LUZP2: variants seen among roughly 807,000 people sequenced by gnomAD.
The protein encoded by LUZP2 is leucine zipper protein 2.
A neutral mutation model predicts 51.6 loss-of-function variants in LUZP2; 52 were observed. The observed-to-expected ratio is 1.01, with a 90% CI of 0.81 to 1.27. LUZP2 has a LOEUF of 1.27. Ranked by LOEUF, LUZP2 falls within the 50% of genes most tolerant of loss-of-function variation. LUZP2 has a pLI of 0.00. For synonymous variants in LUZP2, 154 were observed against 137.3 expected (o/e 1.12, Z -0.85); for missense variants, 436 against 395.4 (o/e 1.10, Z -0.87).
chr11:24,513,544 A>G (rs1850375248), intron 1 of LUZP2, among the ~76,000 whole-genome samples: 1 of 152,198 alleles, frequency 6.6e-6, no homozygotes, highest in Admixed American at 6.5e-5. Context: ...GTCTCCTTAA[A>G]TAATTAGAAG....
chr11:25,077,689 G>A (rs984542007), intron 11 of LUZP2, among the ~76,000 whole-genome samples: 2 of 151,518 alleles, frequency 1.3e-5, no homozygotes, highest in African/African-American at 4.9e-5. Context: ...GTAGAGACGG[G>A]GTTTCACTGT....
chr11:24,731,967 A>G, intron 2 of LUZP2, 151 bp from the exon 3 acceptor site: 1 of 529,964 alleles, frequency 1.9e-6, no homozygotes, highest in Non-Finnish European at 3.3e-6. Context: ...TTCTGTTTAC[A>G]TCCTTGGAGC....
chr11:25,062,095 A>C (rs577210084), intron 10 of LUZP2, among the ~76,000 whole-genome samples: 1 of 150,966 alleles, frequency 6.6e-6, no homozygotes, highest in Admixed American at 6.6e-5. Context: ...ACAAAAAACG[A>C]AAAACAGAGG....
At chr11:24,889,093 T>G (rs1333852323) in intron 5 of LUZP2, among the ~76,000 whole-genome samples, 1 of 152,218 alleles carries the variant, frequency 6.6e-6, no homozygotes, top group Non-Finnish European at 1.5e-5. Flanking sequence ...ATGCAGGGTC[T>G]ACCTTCCACT....
intron 1 of LUZP2, among the ~76,000 whole-genome samples, chr11:24,725,031 T>G (rs1051219304): frequency 6.6e-6 from 1 of 152,208 alleles, no homozygotes; most frequent in African/African-American, 2.4e-5. Flanking sequence ...TGTTATCTAT[T>G]TCCCTAAATA....
intron 7 of LUZP2, among the ~76,000 whole-genome samples, chr11:24,923,535 A>G (rs1321920892): frequency 6.6e-6 from 1 of 152,032 alleles, no homozygotes; most frequent in Non-Finnish European, 1.5e-5. Context: ...CGTCTCTATT[A>G]AAAATACAAA....
At chr11:24,897,939 G>A (rs1853137520) in intron 5 of LUZP2, among the ~76,000 whole-genome samples, 1 of 152,054 alleles carries the variant, frequency 6.6e-6, no homozygotes, top group South Asian at 2.1e-4. Context: ...ATAACATAGT[G>A]AAATTTGCAA....
At chr11:24,602,142 GTATATA>G (rs1491145712) in intron 1 of LUZP2, among the ~76,000 whole-genome samples, 1,368 of 83,856 alleles carry the variant, frequency 0.016, 81 homozygotes, top group African/African-American at 0.065. Context: ...GTGTATATAT[GTATATA>G]TGTATATATG....
At chr11:24,622,206 G>T (rs928201066) in intron 1 of LUZP2, among the ~76,000 whole-genome samples, 1 of 151,012 alleles carries the variant, frequency 6.6e-6, no homozygotes, top group African/African-American at 2.4e-5. Context: ...GTATACATGT[G>T]CCATGTTGGT....
At chr11:24,793,664 A>G (rs1849466968) in intron 5 of LUZP2, among the ~76,000 whole-genome samples, 1 of 152,158 alleles carries the variant, frequency 6.6e-6, no homozygotes, top group Admixed American at 6.6e-5. Context: ...GTCATGAGGG[A>G]AATATTAAGG....
chr11:24,658,455 C>T (rs1040767718), intron 1 of LUZP2, among the ~76,000 whole-genome samples: 64 of 152,048 alleles, frequency 4.2e-4, no homozygotes, highest in African/African-American at 1.4e-3. Context: ...AATGTTAGAC[C>T]TAAAACCATA....
intron 5 of LUZP2, among the ~76,000 whole-genome samples, chr11:24,766,734 A>G (rs1390745316): frequency 6.6e-6 from 1 of 152,054 alleles, no homozygotes; most frequent in Non-Finnish European, 1.5e-5. Context: ...TTTGAGATAA[A>G]TGCTAAAAAA....
chr11:24,600,019 T>C (rs983143489), intron 1 of LUZP2, among the ~76,000 whole-genome samples: 6 of 152,280 alleles, frequency 3.9e-5, no homozygotes, highest in African/African-American at 1.4e-4. Flanking sequence ...CCATAAAAGA[T>C]ATGTTGAATT....
intron 7 of LUZP2, among the ~76,000 whole-genome samples, chr11:24,924,376 C>T (rs1164755108): frequency 2.0e-5 from 3 of 152,208 alleles, no homozygotes; most frequent in Admixed American, 2.0e-4. Flanking sequence ...CCGCACCCAG[C>T]CCGCTTGCCC....
In LUZP2 at chr11:24,733,736, A is replaced by ATT. The variant is rs74343288; in HGVS notation, c.251+1553_251+1554dup. Among the ~76,000 whole-genome samples the ATT allele has an allele frequency of 1.4e-3, 214 of 147,610 alleles. 2 individuals carry two copies. The highest frequency in any genetic ancestry group is 8.4e-3 in the East Asian group (41 of 4,870). ...ATGACTATAGTTAATAATAAACTGT[A>ATT]TTTTTTAAAAAAAAATTTTAAAAAA... On this transcript the variant is annotated intron_variant, in intron 3 of 11. Coordinates refer to ENST00000336930, the MANE Select transcript of LUZP2 (RefSeq NM_001009909.4).
intron 1 of LUZP2, among the ~76,000 whole-genome samples, chr11:24,727,665 C>A (rs1483523086): frequency 6.6e-6 from 1 of 151,886 alleles, no homozygotes; most frequent in Non-Finnish European, 1.5e-5. Flanking sequence ...TATTATTTAA[C>A]TTTGCCAGTG....
chr11:24,848,238 T>G (rs567155265), intron 5 of LUZP2, among the ~76,000 whole-genome samples: 12 of 152,294 alleles, frequency 7.9e-5, no homozygotes, highest in African/African-American at 2.9e-4. Context: ...ACATAACGCT[T>G]TCACACTGAA....
At chr11:24,616,742 C>T (rs570864335) in intron 1 of LUZP2, among the ~76,000 whole-genome samples, 2 of 152,188 alleles carry the variant, frequency 1.3e-5, no homozygotes, top group South Asian at 2.1e-4. Context: ...AGACTGATAC[C>T]TCTGACCTTA....
chr11:24,716,799 G>A (rs1858061916), intron 1 of LUZP2, among the ~76,000 whole-genome samples: 1 of 152,110 alleles, frequency 6.6e-6, no homozygotes, highest in Non-Finnish European at 1.5e-5. Context: ...GGGAGACTGA[G>A]GCAGGAGAAT....
Sources: gnomAD v4.1 joint callset for allele counts (sites outside exome capture counted in the v4.1 genomes callset) on GRCh38, gnomAD v4.1.1 for gene constraint, MANE v1.5 for transcripts, NCBI Gene and HGNC (gene_info 2026-07-23, HGNC 2026-07-21) for gene names.